The following GRM8 variants were observed in gnomAD, a reference collection of about 807,000 sequenced individuals.
GRM8 encodes the protein metabotropic glutamate receptor 8.
GRM8 carries 47 observed loss-of-function variants against 87.2 expected under a neutral mutation model. That is an observed-to-expected ratio of 0.54 (90% CI 0.43 to 0.69). The LOEUF (loss-of-function observed/expected upper bound fraction) is 0.69, where lower values mean the gene tolerates loss of function less well. Ranked by LOEUF, GRM8 falls within the 30% of genes least tolerant of loss-of-function variation. The pLI is 0.00. For synonymous variants in GRM8, 396 were observed against 404.5 expected, an observed-to-expected ratio of 0.98 and a Z score of 0.25; for missense variants, 1,019 against 1,139.2, an observed-to-expected ratio of 0.89 and a Z score of 1.52.
intron 3 of GRM8, among the ~76,000 whole-genome samples, chr7:127,089,352 G>A (rs1823829991): frequency 6.6e-6 from 1 of 152,214 alleles, no homozygotes; most frequent in Non-Finnish European, 1.5e-5. Context: ...CCTACACCTT[G>A]ATTTTGGACT....
intron 6 of GRM8, among the ~76,000 whole-genome samples, chr7:126,889,534 T>C (rs181953875): frequency 2.6e-5 from 4 of 152,108 alleles, no homozygotes; most frequent in African/African-American, 7.2e-5. Context: ...CTAGAGGGCA[T>C]GTTGTTAAAG....
intron 6 of GRM8, among the ~76,000 whole-genome samples, chr7:126,845,437 C>T (rs1796631392): frequency 6.6e-6 from 1 of 151,912 alleles, no homozygotes; most frequent in African/African-American, 2.4e-5. Flanking sequence ...TAGTCTTATC[C>T]TTTTTTTTAT....
rs187744389 is a variant in GRM8 at position 126,618,818 on chromosome 7, A to T, written c.1358-9320T>A. Among the ~76,000 whole-genome samples, 638 of 152,326 alleles carry T rather than the reference A, an allele frequency of 4.2e-3. 11 individuals are homozygous for T. In the South Asian group the frequency reaches 0.042, roughly 10 times the overall value. Reference sequence around the variant, plus strand: ...TCAGAGAAATGCAAATCAAAACCACAATGAGATACCATCTGACACCAGTTA... The same window carrying T: ...TCAGAGAAATGCAAATCAAAACCACTATGAGATACCATCTGACACCAGTTA... On this transcript the variant is annotated intron_variant, in intron 7 of 10. Coordinates refer to ENST00000339582, the MANE Select transcript of GRM8 (RefSeq NM_000845.3).
At chr7:127,142,388 A>G (rs968872888) in intron 2 of GRM8, among the ~76,000 whole-genome samples, 18 of 152,160 alleles carry the variant, frequency 1.2e-4, no homozygotes, top group African/African-American at 4.3e-4. Flanking sequence ...CTGTGACAGC[A>G]AGAAAGAGAA....
chr7:127,241,053 C>G (rs978209121), intron 2 of GRM8, among the ~76,000 whole-genome samples: 2 of 152,234 alleles, frequency 1.3e-5, no homozygotes, highest in East Asian at 1.9e-4. Flanking sequence ...CACCCTGAAG[C>G]CTGTTTGTGC....
intron 9 of GRM8, among the ~76,000 whole-genome samples, chr7:126,526,936 G>A (rs921730762): frequency 6.6e-6 from 1 of 152,074 alleles, no homozygotes; most frequent in Non-Finnish European, 1.5e-5. Context: ...TTCCAGAGCA[G>A]ATTGCAACAG....
intron 6 of GRM8, among the ~76,000 whole-genome samples, chr7:126,779,087 G>T (rs1441039843): frequency 1.3e-5 from 2 of 151,820 alleles, no homozygotes; most frequent in African/African-American, 4.8e-5. Flanking sequence ...GAAAAGCATG[G>T]TTTTTTATCT....
intron 3 of GRM8, among the ~76,000 whole-genome samples, chr7:126,906,972 A>G (rs887615371): frequency 2.6e-5 from 4 of 152,172 alleles, no homozygotes; most frequent in Admixed American, 1.3e-4. Context: ...TGTGGACACA[A>G]TGGTGAATAA....
chr7:127,131,119 G>A (rs1403974266), intron 2 of GRM8, among the ~76,000 whole-genome samples: 1 of 152,188 alleles, frequency 6.6e-6, no homozygotes, highest in African/African-American at 2.4e-5. Flanking sequence ...TGTCATAAAT[G>A]AAAATATTCA....
intron 2 of GRM8, among the ~76,000 whole-genome samples, chr7:127,210,331 T>C (rs977697467): frequency 2.0e-5 from 3 of 152,220 alleles, no homozygotes; most frequent in African/African-American, 7.2e-5. Context: ...TTTTTTAAAT[T>C]AACATTTAAT....
intron 6 of GRM8, among the ~76,000 whole-genome samples, chr7:126,850,877 G>A (rs75446746): frequency 3.9e-5 from 6 of 152,244 alleles, no homozygotes; most frequent in Non-Finnish European, 5.9e-5. Context: ...GTAACAGTGC[G>A]AGGCAGGCTC....
chr7:126,705,120 C>T (rs968763640), intron 7 of GRM8, among the ~76,000 whole-genome samples: 6 of 152,018 alleles, frequency 3.9e-5, no homozygotes, highest in Non-Finnish European at 8.8e-5. Context: ...TCAATCCGGC[C>T]GATGCTTAGG....
At chr7:127,175,636 C>G (rs1794060701) in intron 2 of GRM8, among the ~76,000 whole-genome samples, 2 of 152,154 alleles carry the variant, frequency 1.3e-5, no homozygotes, top group African/African-American at 4.8e-5. Context: ...TTAAGAATTA[C>G]AGCAGACTTC....
At chr7:126,527,959 A>G (rs1814133292) in intron 9 of GRM8, among the ~76,000 whole-genome samples, 1 of 152,166 alleles carries the variant, frequency 6.6e-6, no homozygotes, top group Admixed American at 6.5e-5. Flanking sequence ...GTAATCCAGC[A>G]TTTTGGGAGG....
chr7:126,779,891 G>A (rs1819881670), intron 6 of GRM8, among the ~76,000 whole-genome samples: 2 of 151,984 alleles, frequency 1.3e-5, no homozygotes, highest in Admixed American at 1.3e-4. Flanking sequence ...AAGATTTTAG[G>A]CTCTGCCTCC....
intron 3 of GRM8, among the ~76,000 whole-genome samples, chr7:126,939,626 T>G (rs1806697622): frequency 1.3e-5 from 2 of 152,360 alleles, no homozygotes; most frequent in South Asian, 4.1e-4. Context: ...TGCATGTATT[T>G]GAGACCCACT....
chr7:127,017,619 C>A (rs976526375), intron 3 of GRM8, among the ~76,000 whole-genome samples: 3 of 151,974 alleles, frequency 2.0e-5, no homozygotes, highest in Non-Finnish European at 4.4e-5. Flanking sequence ...AGATGGGGAG[C>A]TGATGCATGT....
intron 7 of GRM8, among the ~76,000 whole-genome samples, chr7:126,671,135 C>G (rs1387979615): frequency 1.3e-5 from 2 of 152,162 alleles, no homozygotes; most frequent in African/African-American, 4.8e-5. Context: ...GCCTCATACC[C>G]TTGTCCATGT....
intron 3 of GRM8, among the ~76,000 whole-genome samples, chr7:126,994,404 G>A (rs1812971720): frequency 6.6e-6 from 1 of 152,194 alleles, no homozygotes. Context: ...TACCAGCTCA[G>A]CCATAGTAGC....
Sources: allele counts gnomAD v4.1 joint callset (sites outside exome capture counted in the v4.1 genomes callset), GRCh38; gene constraint gnomAD v4.1.1; transcripts MANE v1.5; gene names NCBI Gene and HGNC (gene_info 2026-07-23, HGNC 2026-07-21).